HYAL4: variants seen among roughly 807,000 people sequenced by gnomAD.
HYAL4 encodes hyaluronidase 4, also known as hyaluronidase-4.
Under a neutral mutation model 35.2 loss-of-function variants are expected in HYAL4, and 37 were observed. The observed-to-expected ratio is 1.05, with a 90% confidence interval of 0.81 to 1.38. The LOEUF (loss-of-function observed/expected upper bound fraction) is 1.38, where lower values mean the gene tolerates loss of function less well. HYAL4 is among the 40% of genes most tolerant of loss of function. The probability of loss-of-function intolerance (pLI) is 0.00; values close to 1 mark genes in which losing one functional copy is unlikely to be tolerated. For missense variants in HYAL4, 572 were observed against 572.4 expected, an observed-to-expected ratio of 1.00 and a Z score of 0.01; for synonymous variants, 198 against 203.2, an observed-to-expected ratio of 0.97 and a Z score of 0.22.
the HYAL4 span, among the ~76,000 whole-genome samples, chr7:123,785,816 T>A: frequency 6.6e-6 from 1 of 152,160 alleles, no homozygotes; most frequent in Non-Finnish European, 1.5e-5. The surrounding 1 kb of genome is among the most constrained non-coding windows in gnomAD (Gnocchi z 4.5). Context: ...ATAAAAATGC[T>A]ACCCAGCCCT....
At chr7:123,838,615 C>T (rs759341779) in intron 1 of HYAL4, among the ~76,000 whole-genome samples, 18 of 152,026 alleles carry the variant, frequency 1.2e-4, no homozygotes, top group African/African-American at 3.1e-4. Flanking sequence ...AATGTGCCTA[C>T]GTGATAGTCT....
In HYAL4 at chr7:123,839,586, T is replaced by A. The variant is rs535103234; in HGVS notation, c.-256-4659T>A. 2.9e-4 allele frequency among the ~76,000 whole-genome samples: 44 copies of A among 152,354 alleles called. 1 individual carries two copies. The South Asian group carries it at 8.7e-3, about 30-fold the overall frequency. On this transcript the variant is annotated intron_variant, in intron 1 of 4. Coordinates refer to the HYAL4 transcript ENST00000489978. ...CTGTCTTCCACAATGGTTGAACTAA[T>A]TTACACTTCCACCAACAGTGTAAAA...
At chr7:123,857,677 C>CTTTCTTTCTTTGTTTG (rs1554419658) in intron 2 of HYAL4, among the ~76,000 whole-genome samples, 1 of 78,848 alleles carries the variant, frequency 1.3e-5, no homozygotes, top group Non-Finnish European at 2.8e-5. Flanking sequence ...TTGTTTCTTT[C>CTTTCTTTCTTTGTTTG]TTTCTTTCTT....
chr7:123,807,914 A>AATAATTATTATT, the HYAL4 span, among the ~76,000 whole-genome samples: 8 of 136,572 alleles, frequency 5.9e-5, no homozygotes, highest in East Asian at 1.7e-3. Flanking sequence ...TTAGCTGGAT[A>AATAATTATTATT]ATTATTATTA....
chr7:123,815,569 TTTATA>T, the HYAL4 span, among the ~76,000 whole-genome samples: 11 of 152,230 alleles, frequency 7.2e-5, no homozygotes, highest in South Asian at 2.1e-3. Flanking sequence ...TTAAAACTGG[TTTATA>T]TAAGGAGACA....
intron 2 of HYAL4, among the ~76,000 whole-genome samples, chr7:123,865,296 A>G (rs1463010363): frequency 1.3e-5 from 2 of 152,176 alleles, no homozygotes; most frequent in African/African-American, 4.8e-5. Context: ...AAATTTAAAG[A>G]AAAGCTTCTT....
intron 4 of HYAL4, chr7:123,876,017 A>C: frequency 6.6e-6 from 3 of 456,686 alleles, no homozygotes; most frequent in South Asian, 4.6e-5. Context: ...TTAATTCCTG[A>C]CTTTCCAGGT....
In HYAL4 at chr7:123,850,244, T is replaced by C. The variant is rs1806273866; in HGVS notation, c.-52+2086T>C. Among the ~76,000 whole-genome samples the C allele has an allele frequency of 5.3e-5, 8 of 152,202 alleles. No homozygotes were observed. In the South Asian group the frequency reaches 1.7e-3, roughly 32 times the overall value. On this transcript the variant is annotated intron_variant, in intron 2 of 4. Transcript: ENST00000223026. Reference sequence around the variant, plus strand: ...CTTGTTGAAATATGAATACTTAGATTTTTGTTGCTGTTGTTGAGACAGGGT... The same window carrying C: ...CTTGTTGAAATATGAATACTTAGATCTTTGTTGCTGTTGTTGAGACAGGGT...
chr7:123,787,004 A>G, the HYAL4 span, among the ~76,000 whole-genome samples: 4 of 149,190 alleles, frequency 2.7e-5, no homozygotes, highest in Non-Finnish European at 5.9e-5. Flanking sequence ...GCTACTTGGT[A>G]GGCTGAGGCA....
chr7:123,825,173 T>C (rs970831214), upstream of HYAL4, among the ~76,000 whole-genome samples: 3 of 151,940 alleles, frequency 2.0e-5, no homozygotes, highest in East Asian at 3.8e-4. Flanking sequence ...TGTATTTAGA[T>C]TTTTATAAAT....
At chr7:123,824,698 C>A (rs1805776410), upstream of HYAL4, among the ~76,000 whole-genome samples, 1 of 152,036 alleles carries the variant, frequency 6.6e-6, no homozygotes, top group Non-Finnish European at 1.5e-5. Flanking sequence ...TTCCCTTTGC[C>A]CTTGGACTTT....
At chr7:123,863,848 T>C (rs1038955109) in intron 2 of HYAL4, among the ~76,000 whole-genome samples, 2 of 152,144 alleles carry the variant, frequency 1.3e-5, no homozygotes, top group Non-Finnish European at 2.9e-5. Flanking sequence ...TCTTTTAATT[T>C]ATCACAAGCA....
intron 3 of HYAL4, among the ~76,000 whole-genome samples, chr7:123,869,694 T>TTTTTC (rs1252534133): frequency 5.3e-5 from 8 of 152,016 alleles, no homozygotes; most frequent in African/African-American, 1.9e-4. Flanking sequence ...TTGTTTTTTT[T>TTTTTC]TTTTCTTCAA....
upstream of HYAL4, among the ~76,000 whole-genome samples, chr7:123,842,813 T>C (rs1806095635): frequency 1.3e-5 from 2 of 152,028 alleles, no homozygotes; most frequent in South Asian, 4.1e-4. Context: ...GAGACTAGGA[T>C]TGCAACTCCT....
upstream of HYAL4, among the ~76,000 whole-genome samples, chr7:123,827,054 G>C (rs149143630): frequency 6.9e-4 from 105 of 152,088 alleles, 2 homozygotes; most frequent in East Asian, 0.018. Context: ...TAAATAGGTG[G>C]GTATATAATC....
intron 4 of HYAL4, chr7:123,876,074 A>T: frequency 2.2e-6 from 1 of 456,582 alleles, no homozygotes; most frequent in Non-Finnish European, 4.4e-6. Flanking sequence ...GAAGAGCTTC[A>T]TCAGGAAGGT....
At chr7:123,850,565 T>G (rs1806281901) in intron 2 of HYAL4, among the ~76,000 whole-genome samples, 1 of 152,130 alleles carries the variant, frequency 6.6e-6, no homozygotes, top group African/African-American at 2.4e-5. Flanking sequence ...ACAGATACTG[T>G]GAATTTCTAA....
chr7:123,874,342 A>G (rs917899755), intron 3 of HYAL4, among the ~76,000 whole-genome samples: 4 of 152,202 alleles, frequency 2.6e-5, no homozygotes, highest in African/African-American at 9.7e-5. Context: ...TAAGGAGTAT[A>G]TGAGCTCAGT....
At chr7:123,768,371 GGTTT>G in the HYAL4 span, among the ~76,000 whole-genome samples, 2 of 152,112 alleles carry the variant, frequency 1.3e-5, no homozygotes, top group Non-Finnish European at 2.9e-5. Context: ...TGTACTTTCT[GGTTT>G]GTTTATCTGG....
Sources: allele counts gnomAD v4.1 joint callset (sites outside exome capture counted in the v4.1 genomes callset), GRCh38; gene constraint gnomAD v4.1.1; non-coding constraint Gnocchi (gnomAD v3.1); transcripts MANE v1.5; gene names NCBI Gene and HGNC (gene_info 2026-07-23, HGNC 2026-07-21).